The following NNT variants were observed in gnomAD, a reference collection of about 807,000 sequenced individuals.
NNT encodes nicotinamide nucleotide transhydrogenase.
In NNT, 50 loss-of-function variants were observed where a neutral mutation model predicts 104.8. The ratio of observed to expected loss-of-function variants is 0.48; its 90% CI spans 0.38 to 0.60. NNT has a LOEUF of 0.60. Ranked by LOEUF, NNT falls within the 20% of genes least tolerant of loss-of-function variation. The pLI, the probability that NNT is intolerant of heterozygous loss-of-function variation, is 0.00. For synonymous variants in NNT, 461 were observed against 490.4 expected (o/e 0.94, Z 0.79); for missense variants, 1,131 against 1,330.7 (o/e 0.85, Z 2.33).
Position 43,675,570 on chromosome 5 carries a change from T to TG in NNT, c.2696dup (p.Gly900TrpfsTer16). On this transcript the variant is annotated frameshift_variant, in exon 18 of 22. Transcript: ENST00000344920. LOFTEE classifies it high-confidence loss of function. ...GAGGCTATGGCACCACTTCAACAGC[T>TG]GGTGGAAAACCCATGGAAATTTCTG... 1 of 1,613,840 alleles carries TG rather than the reference T, an allele frequency of 6.2e-7. No individual in the cohort carries two copies. Among genetic ancestry groups the TG allele is most frequent in the Non-Finnish European group, 8.5e-7 (1 of 1,179,924 alleles).
chr5:43,602,684 T>G (rs1748987402), upstream of NNT: 1 of 152,256 alleles, frequency 6.6e-6, no homozygotes, highest in African/African-American at 2.4e-5. Flanking sequence ...CCTCTCCGCC[T>G]GCCCCTTTCC....
intron 19 of NNT, among the ~76,000 whole-genome samples, chr5:43,686,853 C>G (rs1742017007): frequency 6.6e-6 from 1 of 152,040 alleles, no homozygotes; most frequent in South Asian, 2.1e-4. Context: ...ATTTTATTAT[C>G]AATCCCATGG....
chr5:43,645,677 C>CTATATATATATA (rs1561286463), intron 10 of NNT, 167 bp downstream of exon 10: 1 of 84,172 alleles, frequency 1.2e-5, no homozygotes, highest in Non-Finnish European at 2.4e-5. Flanking sequence ...CTCTCTCTCT[C>CTATATATATATA]TCTCTCTATA....
Position 43,644,333 on chromosome 5 carries a change from A to G in NNT, c.1098+8A>G. The G allele has an allele frequency of 6.2e-7, 1 of 1,610,946 alleles. No homozygotes were observed. Among genetic ancestry groups the G allele is most frequent in the Non-Finnish European group, 8.5e-7 (1 of 1,179,418 alleles). The stretch of plus-strand genomic sequence containing the variant: ...GAACTCTACATTCATAAGGTATAGC[A>G]AGATGCGTTTTCTATCTGTGATCAC... On this transcript the variant is annotated splice_region_variant and intron_variant, in intron 8 of 21. Transcript: ENST00000344920.
intron 6 of NNT, among the ~76,000 whole-genome samples, chr5:43,627,729 TG>T (rs1750443289): frequency 6.6e-6 from 1 of 152,152 alleles, no homozygotes; most frequent in Non-Finnish European, 1.5e-5. Context: ...AAGGACTGGT[TG>T]GGGGGTAAAA....
intron 18 of NNT, among the ~76,000 whole-genome samples, chr5:43,677,394 A>G (rs190316776): frequency 1.6e-4 from 24 of 149,748 alleles, no homozygotes; most frequent in Admixed American, 3.9e-4. Context: ...GAGAGTTTAA[A>G]AACATGAGAG....
At chr5:43,681,916 C>T (rs1741740168) in intron 19 of NNT, among the ~76,000 whole-genome samples, 1 of 152,118 alleles carries the variant, frequency 6.6e-6, no homozygotes, top group Non-Finnish European at 1.5e-5. Context: ...TATGCTAAGA[C>T]AAGTAGAGTA....
At chr5:43,627,811 T>A (rs886317658) in intron 6 of NNT, among the ~76,000 whole-genome samples, 2 of 152,088 alleles carry the variant, frequency 1.3e-5, no homozygotes, top group Non-Finnish European at 2.9e-5. Context: ...AAGAACAAAT[T>A]CAGAATATTT....
At chr5:43,644,064 G>A (rs1751376441) in intron 7 of NNT, 128 bp from the exon 8 acceptor site, 4 of 802,258 alleles carry the variant, frequency 5.0e-6, no homozygotes, top group Non-Finnish European at 7.9e-6. Flanking sequence ...GGTCTTTAGG[G>A]GTCTCTTGGA....
At chr5:43,641,891 G>A (rs1030611893) in intron 7 of NNT, among the ~76,000 whole-genome samples, 1 of 152,200 alleles carries the variant, frequency 6.6e-6, no homozygotes, top group African/African-American at 2.4e-5. Context: ...GTTAGCCACT[G>A]TACAGTTGTT....
chr5:43,611,381 TG>T (rs1325629086), intron 2 of NNT, among the ~76,000 whole-genome samples: 1 of 152,218 alleles, frequency 6.6e-6, no homozygotes, highest in Non-Finnish European at 1.5e-5. Flanking sequence ...CCTTTCAAAT[TG>T]GCTTCTAAAT....
chr5:43,665,442 G>T (rs1219373820), intron 17 of NNT, among the ~76,000 whole-genome samples: 2 of 151,796 alleles, frequency 1.3e-5, no homozygotes, highest in South Asian at 4.2e-4. Context: ...GACTCTTAAC[G>T]AGCATGCTGC....
At chr5:43,671,199 G>C (rs1419268138) in intron 17 of NNT, among the ~76,000 whole-genome samples, 1 of 152,054 alleles carries the variant, frequency 6.6e-6, no homozygotes, top group Admixed American at 6.6e-5. Flanking sequence ...GATGAGTCTT[G>C]TGAATACAGC....
chr5:43,609,099 G>GT, intron 1 of NNT, 44 bp from the exon 2 acceptor site: 1 of 909,100 alleles, frequency 1.1e-6, no homozygotes, highest in Non-Finnish European at 1.7e-6. Flanking sequence ...AAGACAAATA[G>GT]TTTTTTTCTT....
At chr5:43,684,096 A>G (rs1216622411) in intron 19 of NNT, among the ~76,000 whole-genome samples, 5 of 152,228 alleles carry the variant, frequency 3.3e-5, no homozygotes, top group African/African-American at 1.2e-4. Context: ...CCACATGTAC[A>G]GATGGAAAAT....
At chr5:43,661,370 C>T (rs923185014) in intron 17 of NNT, among the ~76,000 whole-genome samples, 3 of 151,616 alleles carry the variant, frequency 2.0e-5, no homozygotes, top group Non-Finnish European at 2.9e-5. Context: ...CTTAAACTTG[C>T]GGTTTGTCAG....
At position 43,697,229 on chromosome 5, in the gene NNT, T is replaced by C. The variant is rs139387189; in HGVS notation, c.2877-2890T>C. Among the ~76,000 whole-genome samples, 3 of 152,336 alleles carry C rather than the reference T, an allele frequency of 2.0e-5. No individual in the cohort carries two copies. In the East Asian group the frequency reaches 5.8e-4, roughly 29 times the overall value. On this transcript the variant is annotated intron_variant, in intron 19 of 21. Coordinates refer to ENST00000344920, the MANE Select transcript of NNT (RefSeq NM_182977.3). ...TGTGAGATATTCTAAATCATCTCAC[T>C]CAAGTTCAAAGTTCTGCACACCTCT...
intron 20 of NNT, among the ~76,000 whole-genome samples, chr5:43,702,233 TA>T (rs1742884982): frequency 1.3e-5 from 2 of 152,192 alleles, no homozygotes; most frequent in Admixed American, 1.3e-4. Context: ...TGGATTCTTA[TA>T]GTTTGAGGTT....
At chr5:43,622,795 T>A (rs1389446084) in intron 5 of NNT, among the ~76,000 whole-genome samples, 1 of 152,124 alleles carries the variant, frequency 6.6e-6, no homozygotes, top group Non-Finnish European at 1.5e-5. Flanking sequence ...ACTCCATGCT[T>A]TAGAGAGAAA....
Sources: gnomAD v4.1 joint callset for allele counts (sites outside exome capture counted in the v4.1 genomes callset) on GRCh38, gnomAD v4.1.1 for gene constraint, MANE v1.5 for transcripts, NCBI Gene and HGNC (gene_info 2026-07-23, HGNC 2026-07-21) for gene names.